Variants in RGS6 observed in about 807,000 individuals in gnomAD.
The protein encoded by RGS6 is regulator of G protein signaling 6.
RGS6 carries 30 observed loss-of-function variants against 78.5 expected under a neutral mutation model. That is an observed-to-expected ratio of 0.38 (90% confidence interval 0.29 to 0.52). The LOEUF is 0.52. Among genes scored for constraint, RGS6 ranks in the 20% least tolerant of loss-of-function variants. The pLI is 0.85. For missense variants in RGS6, 495 were observed against 609.7 expected, an observed-to-expected ratio of 0.81 and a Z score of 1.98; for synonymous variants, 206 against 206.0, an observed-to-expected ratio of 1.00 and a Z score of 0.00.
At chr14:72,574,451 G>A in the RGS6 span, among the ~76,000 whole-genome samples, 1 of 152,180 alleles carries the variant, frequency 6.6e-6, no homozygotes, top group African/African-American at 2.4e-5. Context: ...AAAAAAGATA[G>A]TTAAGAGTGA....
At chr14:72,158,626 A>G (rs2096806770) in intron 2 of RGS6, among the ~76,000 whole-genome samples, 1 of 152,106 alleles carries the variant, frequency 6.6e-6, no homozygotes, top group African/African-American at 2.4e-5. Flanking sequence ...CTGTTATATC[A>G]TCACTAGAAT....
intron 2 of RGS6, among the ~76,000 whole-genome samples, chr14:72,104,812 TCA>T (rs2095599982): frequency 6.6e-6 from 1 of 152,214 alleles, no homozygotes. Flanking sequence ...GTTAAATTGC[TCA>T]CTTTGGTACA....
intron 14 of RGS6, among the ~76,000 whole-genome samples, chr14:72,517,663 G>C (rs932574073): frequency 3.3e-5 from 5 of 152,200 alleles, no homozygotes; most frequent in Non-Finnish European, 7.3e-5. Flanking sequence ...CCTACTATTT[G>C]CCAAGCACCG....
chr14:72,128,844 G>C (rs1257658074), intron 2 of RGS6, among the ~76,000 whole-genome samples: 1 of 152,128 alleles, frequency 6.6e-6, no homozygotes, highest in African/African-American at 2.4e-5. Flanking sequence ...ATTAGCCCTG[G>C]TACGCACAGA....
At chr14:72,429,138 G>A (rs745708437) in intron 3 of RGS6, among the ~76,000 whole-genome samples, 23 of 152,172 alleles carry the variant, frequency 1.5e-4, no homozygotes, top group Non-Finnish European at 3.2e-4. Flanking sequence ...GGAGGCAGAG[G>A]TTGTAGTGAG....
At chr14:72,489,971 C>T (rs2096556175) in intron 12 of RGS6, among the ~76,000 whole-genome samples, 1 of 152,224 alleles carries the variant, frequency 6.6e-6, no homozygotes, top group South Asian at 2.1e-4. Flanking sequence ...TAAGAAGTGG[C>T]TTCCAGGTGC....
intron 2 of RGS6, among the ~76,000 whole-genome samples, chr14:72,282,618 T>C (rs2061769989): frequency 2.6e-5 from 4 of 152,208 alleles, no homozygotes; most frequent in Non-Finnish European, 4.4e-5. Context: ...TGAGGCATAA[T>C]TGATATTAAA....
intron 12 of RGS6, among the ~76,000 whole-genome samples, chr14:72,482,763 G>A (rs943993123): frequency 6.6e-6 from 1 of 152,184 alleles, no homozygotes. Context: ...ATTAGAACTG[G>A]CATTCTGTCG....
intron 2 of RGS6, among the ~76,000 whole-genome samples, chr14:72,207,243 C>T (rs2042934716): frequency 6.6e-6 from 1 of 152,080 alleles, no homozygotes. Context: ...TAATCTGCTG[C>T]TTTTATTTCA....
At chr14:71,919,248 T>A in the RGS6 span, among the ~76,000 whole-genome samples, 1 of 152,148 alleles carries the variant, frequency 6.6e-6, no homozygotes, top group Non-Finnish European at 1.5e-5. Flanking sequence ...TTTTCCACAG[T>A]AAGTGCCCGT....
In RGS6 at chr14:72,122,300, A is replaced by G. The variant is rs115610377; in HGVS notation, c.84+157425A>G. ...TTCTGCAGAGTTTGAACCCAAGTCA[A>G]TGTTGCCTCGACTCAAGCTCAGATA... On this transcript the variant is annotated intron_variant, in intron 2 of 17. Coordinates refer to ENST00000553525, the MANE Select transcript of RGS6 (RefSeq NM_001204424.2). Among the ~76,000 whole-genome samples, 637 of 152,298 alleles carry G rather than the reference A, an allele frequency of 4.2e-3. 4 individuals carry two copies. The highest frequency in any genetic ancestry group is 0.014 in the African/African-American group (575 of 41,558).
intron 2 of RGS6, among the ~76,000 whole-genome samples, chr14:72,151,419 A>T (rs1353869722): frequency 6.6e-6 from 1 of 152,216 alleles, no homozygotes; most frequent in Non-Finnish European, 1.5e-5. Context: ...TTAAAACTTA[A>T]TTTTTTTAAG....
intron 7 of RGS6, among the ~76,000 whole-genome samples, chr14:72,468,362 C>G (rs990241114): frequency 1.4e-5 from 2 of 143,366 alleles, no homozygotes; most frequent in Admixed American, 7.2e-5. Context: ...GGCAACAGAG[C>G]GAGACTCCGT....
At chr14:72,473,287 C>T (rs1555422635) in intron 9 of RGS6, among the ~76,000 whole-genome samples, 1 of 152,020 alleles carries the variant, frequency 6.6e-6, no homozygotes, top group Non-Finnish European at 1.5e-5. Context: ...ACTAAAAATA[C>T]AAAAAAATTA....
the RGS6 span, among the ~76,000 whole-genome samples, chr14:71,917,860 C>T: frequency 1.3e-5 from 2 of 151,846 alleles, no homozygotes; most frequent in African/African-American, 2.4e-5. Context: ...GACTTCTTAG[C>T]GGTGGGGTTT....
At chr14:72,526,352 G>A (rs201157749) in intron 15 of RGS6, among the ~76,000 whole-genome samples, 4 of 152,114 alleles carry the variant, frequency 2.6e-5, no homozygotes, top group Admixed American at 6.5e-5. Context: ...TGATCTGCCC[G>A]CCTTGGCCTC....
At chr14:71,962,189 A>G (rs951787475) in intron 1 of RGS6, among the ~76,000 whole-genome samples, 3 of 152,240 alleles carry the variant, frequency 2.0e-5, no homozygotes, top group African/African-American at 4.8e-5. Flanking sequence ...AATTCTTCAC[A>G]CAGAGACTAT....
intron 2 of RGS6, among the ~76,000 whole-genome samples, chr14:72,082,177 T>G (rs1275730380): frequency 2.6e-5 from 4 of 152,082 alleles, no homozygotes; most frequent in Non-Finnish European, 5.9e-5. Context: ...AAAAAAAAAT[T>G]TCTGTGAAGC....
intron 2 of RGS6, among the ~76,000 whole-genome samples, chr14:72,130,589 G>A (rs2096293312): frequency 6.6e-6 from 1 of 152,150 alleles, no homozygotes; most frequent in African/African-American, 2.4e-5. Context: ...GGTTTTTGAA[G>A]CTCTGTGCCT....
Sources: allele counts gnomAD v4.1 joint callset (sites outside exome capture counted in the v4.1 genomes callset), GRCh38; gene constraint gnomAD v4.1.1; transcripts MANE v1.5; gene names NCBI Gene and HGNC (gene_info 2026-07-23, HGNC 2026-07-21).